CACNB4: variants seen among roughly 807,000 people sequenced by gnomAD.
CACNB4 encodes the protein voltage-dependent L-type calcium channel subunit beta-4.
Under a neutral mutation model 71.2 loss-of-function variants are expected in CACNB4, and 32 were observed. That is an observed-to-expected ratio of 0.45 (90% CI 0.34 to 0.60). The LOEUF (loss-of-function observed/expected upper bound fraction) is 0.60, where lower values mean the gene tolerates loss of function less well. Ranked by LOEUF, CACNB4 falls within the 20% of genes least tolerant of loss-of-function variation. The pLI, the probability that CACNB4 is intolerant of heterozygous loss-of-function variation, is 0.01. For synonymous variants in CACNB4, 231 were observed against 236.9 expected, an observed-to-expected ratio of 0.97 and a Z score of 0.23; for missense variants, 464 against 647.9, an observed-to-expected ratio of 0.72 and a Z score of 3.08.
chr2:152,075,953 T>C (rs1226432064), intron 2 of CACNB4, among the ~76,000 whole-genome samples: 1 of 152,034 alleles, frequency 6.6e-6, no homozygotes, highest in East Asian at 1.9e-4. Flanking sequence ...AGTAAAATAT[T>C]TGCTCACCTG....
intron 2 of CACNB4, among the ~76,000 whole-genome samples, chr2:152,034,771 G>C (rs1684468682): frequency 1.3e-5 from 2 of 152,020 alleles, no homozygotes; most frequent in South Asian, 4.2e-4. Flanking sequence ...CTAACCCCTG[G>C]GGTAAGGAAA....
At chr2:151,890,897 G>C (rs2099850566) in intron 2 of CACNB4, among the ~76,000 whole-genome samples, 1 of 151,974 alleles carries the variant, frequency 6.6e-6, no homozygotes, top group African/African-American at 2.4e-5. Context: ...TTTAGTTCTT[G>C]GTAGGTGATT....
chr2:151,884,664 T>C (rs924897377), intron 2 of CACNB4, among the ~76,000 whole-genome samples: 30 of 146,622 alleles, frequency 2.0e-4, no homozygotes, highest in Admixed American at 8.1e-4. Flanking sequence ...AAAAAAGTTC[T>C]GAAATCCAGT....
intron 2 of CACNB4, among the ~76,000 whole-genome samples, chr2:152,092,276 T>C (rs780840275): frequency 6.6e-6 from 1 of 152,264 alleles, no homozygotes; most frequent in African/African-American, 2.4e-5. Context: ...TGTAGGCATA[T>C]GATTATTCTT....
At chr2:152,044,951 T>G (rs1040102654) in intron 2 of CACNB4, among the ~76,000 whole-genome samples, 1 of 150,476 alleles carries the variant, frequency 6.6e-6, no homozygotes, top group African/African-American at 2.5e-5. Context: ...AAAGAGAAGA[T>G]GGGGAAGAGA....
chr2:151,876,616 T>C lies in CACNB4; in HGVS notation c.391-60A>G, dbSNP rs80317555. On this transcript the variant is annotated intron_variant, in intron 4 of 13. Transcript: ENST00000539935. ...ATTCACTTATCTTCACGTTGTTTAT[T>C]AATCTTAGGGGACAAGAAGAATAAA... The C allele has an allele frequency of 3.1e-3, 3,153 of 1,007,338 alleles. 75 individuals are homozygous for C. The African/African-American group carries it at 0.055, about 18-fold the overall frequency. The allele number at this position is 1,007,338 out of a possible 1,614,324, so 62.4% of individuals were successfully genotyped here.
chr2:152,098,570 A>AGCAAACC lies in CACNB4; in HGVS notation c.64-158_64-157insGGTTTGC. 1 of 407,386 alleles carries AGCAAACC rather than the reference A, an allele frequency of 2.5e-6. No homozygotes were observed. Among genetic ancestry groups the AGCAAACC allele is most frequent in the Non-Finnish European group, 4.7e-6 (1 of 212,558 alleles). The allele number at this position is 407,386 out of a possible 1,614,324, so 25.2% of individuals were successfully genotyped here. On this transcript the variant is annotated intron_variant, in intron 1 of 13. Transcript: ENST00000539935. The surrounding 1 kb of genome is among the most constrained non-coding windows in gnomAD (Gnocchi z 5.3). ...TCCGCGACTCCCAAATACAGCCCCC[A>AGCAAACC]CCCCCACCCACCCACTGCAAGCCTC...
chr2:151,948,267 T>G (rs192878392), intron 2 of CACNB4, among the ~76,000 whole-genome samples: 26 of 152,238 alleles, frequency 1.7e-4, no homozygotes, highest in African/African-American at 6.0e-4. Context: ...CTAGCAAAGG[T>G]GCAAATTATA....
In CACNB4 at chr2:151,889,812, C is replaced by A. The variant is rs139859419; in HGVS notation, c.148-6442G>T. 7.2e-5 allele frequency among the ~76,000 whole-genome samples: 11 copies of A among 152,304 alleles called. No individual in the cohort carries two copies. The East Asian group carries it at 2.1e-3, about 29-fold the overall frequency. On this transcript the variant is annotated intron_variant, in intron 2 of 13. Coordinates refer to ENST00000539935, the MANE Select transcript of CACNB4 (RefSeq NM_000726.5). ...GCTAGGGCACCTAGCCTAGCAGGGT[C>A]CAGGCTGCGTCTCCAAGTACATAGG... is the stretch of plus-strand genomic sequence containing the variant.
rs2099846761 is a variant in CACNB4 at position 151,877,569 on chromosome 2, C to T, written c.391-1013G>A. Among the ~76,000 whole-genome samples the T allele has an allele frequency of 1.3e-5, 2 of 152,240 alleles. 1 individual carries two copies. The highest frequency in any genetic ancestry group is 4.8e-5 in the African/African-American group (2 of 41,560). On this transcript the variant is annotated intron_variant, in intron 4 of 13. Transcript: ENST00000539935. ...TTAATAGTCCATAATTTGTCAAAAG[C>T]TTTCAGTTAAAAATTCCACGATACT...
At chr2:152,043,991 G>C (rs911944100) in intron 2 of CACNB4, among the ~76,000 whole-genome samples, 5 of 152,030 alleles carry the variant, frequency 3.3e-5, no homozygotes, top group African/African-American at 1.2e-4. Context: ...GGATCACTTG[G>C]GGCAAGGAGT....
chr2:151,841,155 T>C (rs568960283), intron 13 of CACNB4, among the ~76,000 whole-genome samples: 8 of 152,336 alleles, frequency 5.3e-5, no homozygotes, highest in Middle Eastern at 3.4e-3. Context: ...CATTGTCTTG[T>C]GCAAGGTAGA....
chr2:151,949,609 A>C (rs555288634), intron 2 of CACNB4, among the ~76,000 whole-genome samples: 1 of 152,244 alleles, frequency 6.6e-6, no homozygotes, highest in African/African-American at 2.4e-5. Context: ...AAGAGGGAGA[A>C]GCCGAGGCTG....
intron 2 of CACNB4, among the ~76,000 whole-genome samples, chr2:152,016,124 C>CA (rs1383621270): frequency 1.3e-5 from 2 of 152,162 alleles, no homozygotes; most frequent in East Asian, 3.8e-4. Context: ...CTATAAACGA[C>CA]AAAGTGAAAC....
intron 2 of CACNB4, among the ~76,000 whole-genome samples, chr2:151,893,365 C>G (rs899427875): frequency 3.3e-5 from 5 of 152,130 alleles, no homozygotes; most frequent in African/African-American, 4.8e-5. Flanking sequence ...CCTCAGCCTC[C>G]TTAATAGCTG....
chr2:151,928,335 G>A (rs1369179152), intron 2 of CACNB4, among the ~76,000 whole-genome samples: 1 of 152,152 alleles, frequency 6.6e-6, no homozygotes, highest in Non-Finnish European at 1.5e-5. Flanking sequence ...GTAGATACCT[G>A]AATACTAAAT....
intron 2 of CACNB4, among the ~76,000 whole-genome samples, chr2:151,922,482 C>A (rs4524119): frequency 0.49 from 74,094 of 152,156 alleles, 22,527 homozygotes; most frequent in Non-Finnish European, 0.68. Flanking sequence ...GGATTAAAAG[C>A]GTGAACTATG....
intron 3 of CACNB4, among the ~76,000 whole-genome samples, chr2:151,882,403 C>T (rs1056871271): frequency 1.3e-5 from 2 of 152,002 alleles, no homozygotes; most frequent in African/African-American, 4.8e-5. Flanking sequence ...AAGGAATTCA[C>T]TTTATTTGGG....
chr2:151,988,686 C>A (rs1289051597), intron 2 of CACNB4, among the ~76,000 whole-genome samples: 10 of 152,130 alleles, frequency 6.6e-5, no homozygotes, highest in Non-Finnish European at 2.9e-5. Context: ...CCTGCCATAT[C>A]CTTGAGTGGT....
Sources: gnomAD v4.1 joint callset for allele counts (sites outside exome capture counted in the v4.1 genomes callset) on GRCh38, gnomAD v4.1.1 for gene constraint, Gnocchi (gnomAD v3.1) non-coding constraint, MANE v1.5 for transcripts, NCBI Gene and HGNC (gene_info 2026-07-23, HGNC 2026-07-21) for gene names.